Variants in DPP10 observed in about 807,000 individuals in gnomAD.
DPP10 encodes the protein inactive dipeptidyl peptidase 10.
A neutral mutation model predicts 120.9 loss-of-function variants in DPP10; 33 were observed. The ratio of observed to expected loss-of-function variants is 0.27; its 90% CI spans 0.21 to 0.37. DPP10 has a LOEUF of 0.37. DPP10 is among the 10% of genes least tolerant of loss of function. The probability of loss-of-function intolerance (pLI) is 1.00; values close to 1 mark genes in which losing one functional copy is unlikely to be tolerated. For missense variants in DPP10, 816 were observed against 942.8 expected, an observed-to-expected ratio of 0.87 and a Z score of 1.76; for synonymous variants, 337 against 326.1, an observed-to-expected ratio of 1.03 and a Z score of -0.36.
rs1317553733 is a variant in DPP10 at position 115,384,579 on chromosome 2, AGAGGAG to A, written c.271+40670_271+40675del. Among the ~76,000 whole-genome samples, 51 of 147,774 alleles carry A rather than the reference AGAGGAG, an allele frequency of 3.5e-4. 1 individual carries two copies. The highest frequency in any genetic ancestry group is 5.4e-4 in the Non-Finnish European group (36 of 66,532). ...AAGAGGAAGAAGAAGAAGAAGAGGAAGAGGAGGAAAAGGAAGAAGGAGGAAGAAGAA... is the reference window on the plus strand; with the variant it reads ...AAGAGGAAGAAGAAGAAGAAGAGGAAGAAAAGGAAGAAGGAGGAAGAAGAA... On this transcript the variant is annotated intron_variant, in intron 3 of 25. Coordinates refer to ENST00000410059, the MANE Select transcript of DPP10 (RefSeq NM_020868.6).
At chr2:115,712,241 G>A (rs1284087046) in intron 7 of DPP10, among the ~76,000 whole-genome samples, 1 of 150,742 alleles carries the variant, frequency 6.6e-6, no homozygotes, top group South Asian at 2.1e-4. Context: ...TTCATAAGGA[G>A]CATGCCACCT....
At chr2:114,509,755 G>A (rs1277516317) in intron 1 of DPP10, among the ~76,000 whole-genome samples, 1 of 152,186 alleles carries the variant, frequency 6.6e-6, no homozygotes, top group Non-Finnish European at 1.5e-5. Context: ...ATATTTGAAG[G>A]AAGTCATTTG....
chr2:114,953,466 T>A (rs1697945307), intron 1 of DPP10, among the ~76,000 whole-genome samples: 1 of 152,122 alleles, frequency 6.6e-6, no homozygotes, highest in Admixed American at 6.6e-5. Flanking sequence ...TTTTTCTTGC[T>A]CTCACATGTG....
At chr2:115,701,150 AAGAAAGTTGG>A (rs1401125881) in intron 7 of DPP10, among the ~76,000 whole-genome samples, 1 of 152,122 alleles carries the variant, frequency 6.6e-6, no homozygotes, top group African/African-American at 2.4e-5. Context: ...TGTAAAAAAG[AAGAAAGTTGG>A]AGAACTCACA....
At chr2:115,542,387 C>T (rs1220434427) in intron 5 of DPP10, among the ~76,000 whole-genome samples, 1 of 151,834 alleles carries the variant, frequency 6.6e-6, no homozygotes, top group Admixed American at 6.6e-5. Context: ...CCTTAAGTTC[C>T]ATCCACATTG....
chr2:114,671,081 T>G (rs1340054149), intron 1 of DPP10, among the ~76,000 whole-genome samples: 3 of 152,178 alleles, frequency 2.0e-5, no homozygotes, highest in Non-Finnish European at 2.9e-5. Context: ...TGACAAGTCT[T>G]TTTCTGGCTA....
intron 24 of DPP10, among the ~76,000 whole-genome samples, chr2:115,840,314 T>TTG (rs1689971681): frequency 3.4e-5 from 3 of 87,900 alleles, no homozygotes; most frequent in Non-Finnish European, 4.9e-5. Context: ...ATATAAGGTT[T>TTG]TTTGGTTTTT....
intron 1 of DPP10, among the ~76,000 whole-genome samples, chr2:114,913,107 C>A (rs1694500256): frequency 6.6e-6 from 1 of 152,164 alleles, no homozygotes; most frequent in Admixed American, 6.5e-5. Flanking sequence ...GCAGCCTCAG[C>A]TGCCAAGCCA....
chr2:114,766,143 C>G (rs1680688409), intron 1 of DPP10, among the ~76,000 whole-genome samples: 1 of 151,584 alleles, frequency 6.6e-6, no homozygotes. Context: ...CAAAAATGAG[C>G]ATGGAATAAA....
In DPP10 at chr2:114,474,203, G is replaced by A. The variant is rs955788777; in HGVS notation, c.60+31365G>A. The stretch of plus-strand genomic sequence containing the variant: ...AAACTCCTTACCTAGTGATCCACCC[G>A]CCTTGGCCTCCCAAAGTGCTGGGAC... On this transcript the variant is annotated intron_variant, in intron 1 of 25. Coordinates refer to ENST00000410059, the MANE Select transcript of DPP10 (RefSeq NM_020868.6). Among the ~76,000 whole-genome samples the A allele has an allele frequency of 4.6e-5, 7 of 152,168 alleles. No homozygotes were observed. The South Asian group carries it at 1.2e-3, about 27-fold the overall frequency.
At chr2:114,863,148 C>T (rs1026663940) in intron 1 of DPP10, among the ~76,000 whole-genome samples, 2 of 152,104 alleles carry the variant, frequency 1.3e-5, no homozygotes, top group African/African-American at 4.8e-5. Flanking sequence ...TAGGAGTTCT[C>T]AGTGCTCTAT....
intron 1 of DPP10, among the ~76,000 whole-genome samples, chr2:114,648,193 G>A (rs933960236): frequency 6.6e-6 from 1 of 152,164 alleles, no homozygotes; most frequent in Non-Finnish European, 1.5e-5. Flanking sequence ...ACACTTGAGT[G>A]ACAAGGGCAA....
chr2:115,535,552 CT>C (rs2078768296), intron 5 of DPP10, among the ~76,000 whole-genome samples: 1 of 150,830 alleles, frequency 6.6e-6, no homozygotes. Flanking sequence ...AGTGTGATGC[CT>C]CCAGCTTTGT....
intron 1 of DPP10, among the ~76,000 whole-genome samples, chr2:115,225,232 A>G: frequency 6.6e-6 from 1 of 152,092 alleles, no homozygotes; most frequent in Non-Finnish European, 1.5e-5. Context: ...AGAGGTCATG[A>G]TAGCTCGCTC....
intron 5 of DPP10, among the ~76,000 whole-genome samples, chr2:115,638,895 A>T (rs912519670): frequency 6.6e-6 from 1 of 152,210 alleles, no homozygotes; most frequent in Non-Finnish European, 1.5e-5. Flanking sequence ...GACTGGGATG[A>T]TCAGAGAAAG....
intron 3 of DPP10, among the ~76,000 whole-genome samples, chr2:115,436,982 C>A (rs575787588): frequency 6.6e-6 from 1 of 151,914 alleles, no homozygotes; most frequent in Non-Finnish European, 1.5e-5. Context: ...GTATAAGATA[C>A]AATATTTCTC....
At chr2:114,609,118 C>T (rs536865342) in intron 1 of DPP10, among the ~76,000 whole-genome samples, 9 of 151,950 alleles carry the variant, frequency 5.9e-5, no homozygotes, top group African/African-American at 2.2e-4. Context: ...TCACTTTCAT[C>T]GAGAATACAA....
At chr2:114,938,781 A>G (rs1696679479) in intron 1 of DPP10, among the ~76,000 whole-genome samples, 1 of 124,812 alleles carries the variant, frequency 8.0e-6, no homozygotes, top group Admixed American at 8.7e-5. Flanking sequence ...ATTAATTTGT[A>G]GGAAATCCTT....
At chr2:115,413,030 T>C (rs2069084537) in intron 3 of DPP10, among the ~76,000 whole-genome samples, 1 of 152,168 alleles carries the variant, frequency 6.6e-6, no homozygotes, top group African/African-American at 2.4e-5. Flanking sequence ...TTCTGAGCTG[T>C]CTAACATTAA....
Sources: allele counts gnomAD v4.1 joint callset (sites outside exome capture counted in the v4.1 genomes callset), GRCh38; gene constraint gnomAD v4.1.1; transcripts MANE v1.5; gene names NCBI Gene and HGNC (gene_info 2026-07-23, HGNC 2026-07-21).